Variants in CEP170B observed in about 807,000 individuals in gnomAD.
CEP170B encodes the protein centrosomal protein of 170 kDa protein B.
CEP170B carries 55 observed loss-of-function variants against 120.6 expected under a neutral mutation model. That is an observed-to-expected ratio of 0.46 (90% CI 0.37 to 0.57). The LOEUF (loss-of-function observed/expected upper bound fraction) is 0.57, where lower values mean the gene tolerates loss of function less well. CEP170B is among the 20% of genes least tolerant of loss of function. CEP170B has a pLI of 0.00. For synonymous variants in CEP170B, 1,033 were observed against 954.5 expected, an observed-to-expected ratio of 1.08 and a Z score of -1.52; for missense variants, 2,212 against 2,253.3, an observed-to-expected ratio of 0.98 and a Z score of 0.37.
intron 8 of CEP170B, 46 bp from the exon 9 acceptor site, chr14:104,883,785 T>G (rs765374825): frequency 4.8e-6 from 7 of 1,473,404 alleles, no homozygotes; most frequent in Non-Finnish European, 4.5e-6. Flanking sequence ...CGACAGCTGT[T>G]TCCTTTCTCT....
In CEP170B at chr14:104,889,738, A is replaced by AGAGATTGCG. The variant is rs1370531254; in HGVS notation, c.3867_3875dup (p.Glu1290_Ala1292dup). On this transcript the variant is annotated inframe_insertion, in exon 13 of 19. Coordinates refer to ENST00000414716, the MANE Select transcript of CEP170B (RefSeq NM_001112726.3). ...CTTATGGTTTCATCGTGCAGACGGC[A>AGAGATTGCG]GAGATTGCGGAGATTGCCAGGTGAG... 2 of 1,605,484 alleles carry AGAGATTGCG rather than the reference A, an allele frequency of 1.2e-6. No homozygotes were observed. Among genetic ancestry groups the AGAGATTGCG allele is most frequent in the East Asian group, 2.2e-5 (1 of 44,548 alleles).
rs969807104 is a variant in CEP170B, at chr14:104,870,225, G to A, written c.105+1670G>A. Reference sequence around the variant, plus strand: ...GAGCGTGGGCGACCGAGGTGGGCGCGGCAGCACCTGCACTTCATTTATGGA... The same window carrying A: ...GAGCGTGGGCGACCGAGGTGGGCGCAGCAGCACCTGCACTTCATTTATGGA... On this transcript the variant is annotated intron_variant, in intron 2 of 18. Coordinates refer to ENST00000414716, the MANE Select transcript of CEP170B (RefSeq NM_001112726.3). This position sits in a 1 kb window ranked among gnomAD's most constrained non-coding sequence, Gnocchi z 4.1. Among the ~76,000 whole-genome samples, 4 of 152,144 alleles carry A rather than the reference G, an allele frequency of 2.6e-5. No individual in the cohort carries two copies. Among genetic ancestry groups the A allele is most frequent in the Admixed American group, 1.3e-4 (2 of 15,280 alleles).
rs750166473 is a variant in CEP170B, at chr14:104,886,728, C to G, written c.2489C>G (p.Pro830Arg). 6.2e-7 allele frequency: 1 copy of G among 1,605,910 alleles called. No homozygotes were observed. Among genetic ancestry groups the G allele is most frequent in the Non-Finnish European group, 8.5e-7 (1 of 1,175,972 alleles). The stretch of plus-strand genomic sequence containing the variant: ...CTAGGGCAGACAGCCCAGCCCAGCC[C>G]CCCAGCACGGGATGGCGTCTATGTC... ...EGLGQTAQPS[P>R]PARDGVYVSA... The change falls in exon 12 of 19, where the codon CCC (proline) becomes CGC (arginine). Residue 830 changes from proline to arginine, a missense_variant. Coordinates refer to ENST00000414716, the MANE Select transcript of CEP170B (RefSeq NM_001112726.3).
chr14:104,867,027 C>T lies in CEP170B; in HGVS notation c.-27-1397C>T, dbSNP rs1215983968. Among the ~76,000 whole-genome samples the T allele has an allele frequency of 6.6e-6, 1 of 152,208 alleles. No homozygotes were observed. Among genetic ancestry groups the T allele is most frequent in the African/African-American group, 2.4e-5 (1 of 41,444 alleles). On this transcript the variant is annotated intron_variant, in intron 1 of 18. Coordinates refer to ENST00000414716, the MANE Select transcript of CEP170B (RefSeq NM_001112726.3). The surrounding 1 kb of genome is among the most constrained non-coding windows in gnomAD (Gnocchi z 5.4). ...TCACAGGTATGTGACTTGGAGACCC[C>T]CACAGAGCCCTTGCTTGGACCCCGC... is the stretch of plus-strand genomic sequence containing the variant.
At chr14:104,890,390 GTGGA>G (rs1292538038) in intron 13 of CEP170B, among the ~76,000 whole-genome samples, 1,536 of 118,094 alleles carry the variant, frequency 0.013, 47 homozygotes, top group African/African-American at 0.041. Flanking sequence ...GGATGGATGA[GTGGA>G]TGGATGGATG....
intron 5 of CEP170B, among the ~76,000 whole-genome samples, chr14:104,879,903 C>T (rs56110037): frequency 0.43 from 65,838 of 152,030 alleles, 14,746 homozygotes; most frequent in Non-Finnish European, 0.46. Context: ...GCCCGTTCCT[C>T]GGATGATCTC....
chr14:104,888,260 G>A (rs558543683), intron 12 of CEP170B, among the ~76,000 whole-genome samples: 4 of 152,336 alleles, frequency 2.6e-5, no homozygotes, highest in East Asian at 3.9e-4. Context: ...TCAGGGCCCC[G>A]AAGCCCAGGC....
In CEP170B at chr14:104,886,553, A is replaced by T; in HGVS notation, c.2314A>T (p.Ser772Cys). 2 of 1,276,730 alleles carry T rather than the reference A, an allele frequency of 1.6e-6. No homozygotes were observed. Among genetic ancestry groups the T allele is most frequent in the Non-Finnish European group, 2.1e-6 (2 of 951,410 alleles). 79.1% of individuals were successfully genotyped at this position (1,276,730 alleles called of 1,614,324 possible). A position where few individuals can be genotyped will look rare whatever the true frequency, so the allele number is the denominator to read the frequency against. Residue 772 changes from serine to cysteine, a missense_variant, in exon 12 of 19, where the codon AGC becomes TGC. Around this residue, in one of 2 missense-constraint regions of CEP170B, gnomAD observed 2,166 missense variants for 2,166.7 expected, o/e 1.00. Transcript: ENST00000414716. ...GVEPQDSRRR[S>C]PQEGPTWSRG... Reference sequence around the variant, plus strand: ...GGAGCCACAGGACAGCAGACGCAGGAGCCCCCAGGAGGGGCCCACGTGGAG... The same window carrying T: ...GGAGCCACAGGACAGCAGACGCAGGTGCCCCCAGGAGGGGCCCACGTGGAG...
chr14:104,894,257 C>A, intron 16 of CEP170B, 28 bp from the exon 17 acceptor site: 2 of 1,532,716 alleles, frequency 1.3e-6, no homozygotes, highest in Non-Finnish European at 1.8e-6. Context: ...CTTGTCCCCC[C>A]ATTTCTGCCT....
rs1566872992 is a variant in CEP170B, at chr14:104,890,281, A to AAT, written c.3878+523_3878+524insAT. On this transcript the variant is annotated intron_variant, in intron 13 of 18. Coordinates refer to ENST00000414716, the MANE Select transcript of CEP170B (RefSeq NM_001112726.3). The stretch of plus-strand genomic sequence containing the variant: ...GGATGGATGGATGGATGAATGGATG[A>AAT]GTGAGTGGGTGGATGGATGGATGGG... Among the ~76,000 whole-genome samples, 40 of 26,608 alleles carry AAT rather than the reference A, an allele frequency of 1.5e-3. 1 individual carries two copies. The highest frequency in any genetic ancestry group is 5.9e-3 in the African/African-American group (39 of 6,624). 17.5% of individuals were successfully genotyped at this position (26,608 alleles called of 152,430 possible).
intron 13 of CEP170B, among the ~76,000 whole-genome samples, chr14:104,890,698 G>GTGGATGGATGGA (rs1373075119): frequency 7.9e-5 from 3 of 38,000 alleles, no homozygotes; most frequent in Admixed American, 3.0e-4. Context: ...GAGTGGGTGG[G>GTGGATGGATGGA]TGGATGGATG....
rs766459406 is a variant in CEP170B at position 104,877,900 on chromosome 14, A to G, written c.211A>G (p.Met71Val). 75 of 1,381,104 alleles carry G rather than the reference A, an allele frequency of 5.4e-5. No homozygotes were observed. Among genetic ancestry groups the G allele is most frequent in the Admixed American group, 4.0e-5 (2 of 50,504 alleles). 85.6% of individuals were successfully genotyped at this position (1,381,104 alleles called of 1,614,324 possible). Residue 71 changes from methionine (M) to valine (V), a missense_variant, in exon 4 of 19, where the codon ATG becomes GTG. This residue lies in a region of CEP170B where 2,166 missense variants were observed against 2,166.7 expected (regional missense o/e 1.00). Transcript: ENST00000414716. ...TTTCCTGCAGACGTTTGTGAATGAC[A>G]TGCGCATCCCGGACCAGAAGTACGT... ...GSLNGTFVND[M>V]RIPDQKYVTL...
chr14:104,892,276 G>C lies in CEP170B; in HGVS notation c.3879-700G>C, dbSNP rs889098610. Among the ~76,000 whole-genome samples, 14 of 152,296 alleles carry C rather than the reference G, an allele frequency of 9.2e-5. No homozygotes were observed. In the South Asian group the frequency reaches 1.4e-3, roughly 16 times the overall value. ...AGGGCTGGGAGCTGCTCACGGGCCCGGCAGGCCCCTGTCCTCGCTGGGAAG... is the reference window on the plus strand; with the variant it reads ...AGGGCTGGGAGCTGCTCACGGGCCCCGCAGGCCCCTGTCCTCGCTGGGAAG... On this transcript the variant is annotated intron_variant, in intron 13 of 18. Transcript: ENST00000414716.
Position 104,885,507 on chromosome 14 carries a change from C to T in CEP170B, c.1909C>T (p.Arg637Trp), listed in dbSNP as rs746743939. The T allele has an allele frequency of 8.9e-6, 14 of 1,567,200 alleles. No homozygotes were observed. In the East Asian group the frequency reaches 9.4e-5, roughly 11 times the overall value. ...RMALLQEFAS[R>W]PLGAAPQAEH... The stretch of plus-strand genomic sequence containing the variant: ...GGCGCTACTGCAGGAGTTTGCCTCC[C>T]GGCCACTGGGTGCGGCCCCCCAGGC... The change falls in exon 10 of 19, where the codon CGG becomes TGG. Residue 637 changes from arginine (R) to tryptophan (W), a missense_variant. Physicochemically the swap from Arg to Trp is moderately radical, Grantham distance 101 (BLOSUM62 -3). This residue lies in a region of CEP170B where 2,166 missense variants were observed against 2,166.7 expected (regional missense o/e 1.00). Coordinates refer to ENST00000414716, the MANE Select transcript of CEP170B (RefSeq NM_001112726.3).
intron 2 of CEP170B, among the ~76,000 whole-genome samples, chr14:104,872,490 G>A (rs1895622948): frequency 1.6e-5 from 1 of 62,958 alleles, no homozygotes; most frequent in Non-Finnish European, 5.4e-5. Flanking sequence ...CGTGTGTGCC[G>A]TGTGTGTGTG....
At position 104,891,141 on chromosome 14, in the gene CEP170B, G is replaced by A. The variant is rs961881336; in HGVS notation, c.3878+1383G>A. On this transcript the variant is annotated intron_variant, in intron 13 of 18. Coordinates refer to ENST00000414716, the MANE Select transcript of CEP170B (RefSeq NM_001112726.3). This position sits in a 1 kb window ranked among gnomAD's most constrained non-coding sequence, Gnocchi z 4.3. ...GCAGATCTTCCCAGGAGGTGAGACC[G>A]CCAGTACAAGGAGGGCCTCCTCAAA... 9.2e-5 allele frequency among the ~76,000 whole-genome samples: 14 copies of A among 152,016 alleles called. No individual in the cohort carries two copies. The highest frequency in any genetic ancestry group is 5.8e-4 in the East Asian group (3 of 5,194).
rs751402729 is a variant in CEP170B at position 104,887,591 on chromosome 14, C to G, written c.3352C>G (p.Pro1118Ala). The change falls in exon 12 of 19, where the codon CCT becomes GCT. Residue 1118 changes from proline to alanine, a missense_variant. Coordinates refer to ENST00000414716, the MANE Select transcript of CEP170B (RefSeq NM_001112726.3). Reference protein sequence around the residue: ...ALTRSNSLSTPRPTRASRLRR... With the variant: ...ALTRSNSLSTARPTRASRLRR... ...GACCCGCTCCAACAGCCTGTCCACC[C>G]CTCGCCCCACACGGGCCTCCCGGCT... 3 of 1,587,166 alleles carry G rather than the reference C, an allele frequency of 1.9e-6. No homozygotes were observed. Among genetic ancestry groups the G allele is most frequent in the Non-Finnish European group, 2.6e-6 (3 of 1,168,286 alleles).
Position 104,895,078 on chromosome 14 carries a change from C to T in CEP170B, c.*120C>T, listed in dbSNP as rs747865343. ...TGAAGACCCCCACATGTGCCATATC[C>T]CTGTGGGCGGGTGCCTCCCACGCCC... is the stretch of plus-strand genomic sequence containing the variant. On this transcript the variant is annotated 3_prime_UTR_variant, in exon 19 of 19. Coordinates refer to ENST00000414716, the MANE Select transcript of CEP170B (RefSeq NM_001112726.3). The T allele has an allele frequency of 1.3e-5, 16 of 1,213,030 alleles. No homozygotes were observed. Among genetic ancestry groups the T allele is most frequent in the Non-Finnish European group, 1.7e-5 (15 of 896,122 alleles). The allele number at this position is 1,213,030 out of a possible 1,614,324, so 75.1% of individuals were successfully genotyped here. A position where few individuals can be genotyped will look rare whatever the true frequency, so the allele number is the denominator to read the frequency against.
chr14:104,888,587 C>T (rs941061633), intron 12 of CEP170B, among the ~76,000 whole-genome samples: 3 of 152,254 alleles, frequency 2.0e-5, no homozygotes, highest in Non-Finnish European at 4.4e-5. Context: ...GAGCTGGCCT[C>T]CTACCTGGGG....
Sources: allele counts gnomAD v4.1 joint callset (sites outside exome capture counted in the v4.1 genomes callset), GRCh38; gene constraint gnomAD v4.1.1; regional missense constraint gnomAD v4.1.1; non-coding constraint Gnocchi (gnomAD v3.1); transcripts MANE v1.5; gene names NCBI Gene and HGNC (gene_info 2026-07-23, HGNC 2026-07-21).